ALCAM: variants seen among roughly 807,000 people sequenced by gnomAD.
The protein encoded by ALCAM is CD166 antigen.
Under a neutral mutation model 70.9 loss-of-function variants are expected in ALCAM, and 30 were observed. That is an observed-to-expected ratio of 0.42 (90% confidence interval 0.32 to 0.57). The LOEUF is 0.57. Ranked by LOEUF, ALCAM falls within the 20% of genes least tolerant of loss-of-function variation. ALCAM has a pLI of 0.11. For synonymous variants in ALCAM, 249 were observed against 242.5 expected, an observed-to-expected ratio of 1.03 and a Z score of -0.25; for missense variants, 591 against 695.1, an observed-to-expected ratio of 0.85 and a Z score of 1.68.
chr3:105,547,117 C>A, intron 9 of ALCAM, 32 bp from the exon 10 acceptor site: 1 of 1,491,750 alleles, frequency 6.7e-7, no homozygotes, highest in South Asian at 1.4e-5. Context: ...TTAATTCTGC[C>A]ACATGAGGTA....
At chr3:105,549,066 G>A (rs1357401467) in intron 11 of ALCAM, among the ~76,000 whole-genome samples, 1 of 151,406 alleles carries the variant, frequency 6.6e-6, no homozygotes, top group African/African-American at 2.4e-5. Context: ...GATTCCGTGA[G>A]AAAGTCAGAT....
chr3:105,404,561 C>G (rs925519775), intron 1 of ALCAM, among the ~76,000 whole-genome samples: 2 of 151,782 alleles, frequency 1.3e-5, no homozygotes, highest in Non-Finnish European at 2.9e-5. Context: ...ACCAAGCCAG[C>G]ACTACAAAAA....
chr3:105,539,716 A>G (rs1392934431), intron 6 of ALCAM, among the ~76,000 whole-genome samples: 2 of 152,046 alleles, frequency 1.3e-5, no homozygotes, highest in African/African-American at 4.8e-5. Flanking sequence ...AATTACCACC[A>G]TTCCTACCTC....
intron 1 of ALCAM, among the ~76,000 whole-genome samples, chr3:105,464,071 C>CAACTATTT (rs1226962915): frequency 6.6e-6 from 1 of 151,294 alleles, no homozygotes; most frequent in Non-Finnish European, 1.5e-5. Flanking sequence ...TGTCAACCTC[C>CAACTATTT]AGAGGACTAA....
At chr3:105,530,188 A>G (rs977999080) in intron 3 of ALCAM, among the ~76,000 whole-genome samples, 1 of 152,200 alleles carries the variant, frequency 6.6e-6, no homozygotes, top group African/African-American at 2.4e-5. Context: ...TTACACCCCA[A>G]GAATTTTCTT....
chr3:105,405,120 A>G (rs1048442510), intron 1 of ALCAM, among the ~76,000 whole-genome samples: 1 of 151,934 alleles, frequency 6.6e-6, no homozygotes, highest in African/African-American at 2.4e-5. Context: ...TCTACTAAAA[A>G]TACAAAATTA....
At chr3:105,561,355 A>G (rs1326608492) in intron 14 of ALCAM, among the ~76,000 whole-genome samples, 1 of 152,054 alleles carries the variant, frequency 6.6e-6, no homozygotes, top group Non-Finnish European at 1.5e-5. Flanking sequence ...TCTACTCTAT[A>G]TGCCATATAT....
At chr3:105,543,361 C>G (rs1262670940) in intron 8 of ALCAM, among the ~76,000 whole-genome samples, 5 of 151,674 alleles carry the variant, frequency 3.3e-5, no homozygotes, top group Admixed American at 2.0e-4. Context: ...CAGGTAGACT[C>G]TAACACTGGG....
At chr3:105,474,344 A>G (rs1329038402) in intron 1 of ALCAM, among the ~76,000 whole-genome samples, 1 of 151,742 alleles carries the variant, frequency 6.6e-6, no homozygotes, top group South Asian at 2.1e-4. Flanking sequence ...GTTTGTGTAT[A>G]TGGTCTGACT....
intron 14 of ALCAM, among the ~76,000 whole-genome samples, chr3:105,557,318 G>T (rs372088335): frequency 6.6e-6 from 1 of 151,928 alleles, no homozygotes; most frequent in South Asian, 2.1e-4. Flanking sequence ...ATAATAGAGG[G>T]GACTTGATGG....
chr3:105,376,776 G>A (rs1057204306), intron 1 of ALCAM, among the ~76,000 whole-genome samples: 3 of 152,160 alleles, frequency 2.0e-5, no homozygotes, highest in African/African-American at 7.2e-5. Flanking sequence ...ACGTGCTGAG[G>A]AATAATCTAG....
intron 1 of ALCAM, among the ~76,000 whole-genome samples, chr3:105,510,249 C>T (rs1194123169): frequency 2.0e-5 from 3 of 152,042 alleles, no homozygotes; most frequent in Non-Finnish European, 4.4e-5. Context: ...GACTGTCATG[C>T]AGTCTAAGGA....
intron 1 of ALCAM, among the ~76,000 whole-genome samples, chr3:105,519,847 C>T (rs966693400): frequency 1.4e-4 from 21 of 152,088 alleles, no homozygotes; most frequent in Non-Finnish European, 2.8e-4. Flanking sequence ...GTGTGATAGT[C>T]AAGGATTCAA....
intron 1 of ALCAM, among the ~76,000 whole-genome samples, chr3:105,500,137 T>G (rs1227151374): frequency 6.8e-6 from 1 of 146,166 alleles, no homozygotes; most frequent in Admixed American, 7.0e-5. Context: ...AATTATTTCT[T>G]AAGTGTTACA....
intron 3 of ALCAM, 77 bp from the exon 4 acceptor site, chr3:105,531,925 T>C: frequency 1.8e-6 from 2 of 1,132,810 alleles, no homozygotes; most frequent in East Asian, 2.3e-5. Context: ...AAATGAATTG[T>C]TTTTGCTGTG....
At chr3:105,459,282 A>G (rs891663374) in intron 1 of ALCAM, among the ~76,000 whole-genome samples, 1 of 152,028 alleles carries the variant, frequency 6.6e-6, no homozygotes. Flanking sequence ...ACTTCTTCCC[A>G]TCCTTAGGCA....
At chr3:105,559,205 T>C (rs1940580042) in intron 14 of ALCAM, among the ~76,000 whole-genome samples, 1 of 148,056 alleles carries the variant, frequency 6.8e-6, no homozygotes, top group African/African-American at 2.5e-5. Context: ...ATATAATATA[T>C]ACATATATTA....
intron 1 of ALCAM, among the ~76,000 whole-genome samples, chr3:105,513,832 T>C (rs1939303983): frequency 6.6e-6 from 1 of 151,916 alleles, no homozygotes; most frequent in Admixed American, 6.6e-5. Flanking sequence ...ATTAGAGAAA[T>C]TTTATGTGCG....
At chr3:105,435,830 G>T (rs929665460) in intron 1 of ALCAM, among the ~76,000 whole-genome samples, 2 of 151,874 alleles carry the variant, frequency 1.3e-5, no homozygotes, top group East Asian at 3.9e-4. Flanking sequence ...TCGCTCTGTC[G>T]CCCAGGCTGG....
Sources: allele counts gnomAD v4.1 joint callset (sites outside exome capture counted in the v4.1 genomes callset), GRCh38; gene constraint gnomAD v4.1.1; transcripts MANE v1.5; gene names NCBI Gene and HGNC (gene_info 2026-07-23, HGNC 2026-07-21).